Variants in TRPM5 observed in about 807,000 individuals in gnomAD.
The protein encoded by TRPM5 is transient receptor potential cation channel subfamily M member 5.
TRPM5 carries 121 observed loss-of-function variants against 124.9 expected under a neutral mutation model. The ratio of observed to expected loss-of-function variants is 0.97; its 90% CI spans 0.84 to 1.13. The LOEUF (loss-of-function observed/expected upper bound fraction) is 1.13, where lower values mean the gene tolerates loss of function less well. Among genes scored for constraint, TRPM5 ranks in the 50% most tolerant of loss-of-function variants. The probability of loss-of-function intolerance (pLI) is 0.00; values close to 1 mark genes in which losing one functional copy is unlikely to be tolerated. For missense variants in TRPM5, 1,643 were observed against 1,589.1 expected (o/e 1.03, Z -0.58); for synonymous variants, 781 against 700.5 (o/e 1.11, Z -1.81).
intron 23 of TRPM5, 68 bp downstream of exon 28, chr11:2,405,459 G>T: frequency 1.4e-6 from 2 of 1,478,530 alleles, no homozygotes; most frequent in Non-Finnish European, 1.8e-6. Context: ...CACAGCCTAC[G>T]GCCCCCCAGC....
intron 19 of TRPM5, 140 bp downstream of exon 24, chr11:2,407,619 G>T: frequency 1.7e-6 from 2 of 1,150,348 alleles, no homozygotes; most frequent in Non-Finnish European, 2.5e-6. Flanking sequence ...TCCAGGCTAT[G>T]CCACCTTCTA....
chr11:2,412,661 G>C, intron 15 of TRPM5, 93 bp downstream of exon 20: 1 of 1,337,924 alleles, frequency 7.5e-7, no homozygotes, highest in Non-Finnish European at 1.0e-6. Flanking sequence ...TTTTACAGTT[G>C]GGGAGCCCCA....
At chr11:2,405,145 T>G (rs570336434) in intron 23 of TRPM5, 102 bp from the exon 29 acceptor site, 2 of 959,530 alleles carry the variant, frequency 2.1e-6, no homozygotes, top group African/African-American at 1.6e-5. Flanking sequence ...ACGCCGTGGC[T>G]CTCAGAGTGA....
the TRPM5 span, among the ~76,000 whole-genome samples, chr11:2,432,161 C>T: frequency 6.6e-6 from 1 of 152,242 alleles, no homozygotes; most frequent in Non-Finnish European, 1.5e-5. Flanking sequence ...GCACTGCTGC[C>T]AGGGGAGGAG....
intron 16 of TRPM5, 29 bp downstream of exon 21, chr11:2,412,106 A>G: frequency 2.5e-6 from 4 of 1,587,364 alleles, no homozygotes; most frequent in Middle Eastern, 1.7e-4. Flanking sequence ...AGCCGCCCTG[A>G]GGCCACACGG....
In TRPM5 at chr11:2,407,752, G is replaced by A; in HGVS notation, c.2936+7C>T. On this transcript the variant is annotated splice_region_variant and intron_variant, in intron 19 of 23. Transcript: ENST00000155858. ...GGCTCTCTCCTCCAGGGGTTGGGTG[G>A]AGTCACCTGAACATGGCGATGAGCA... 2 of 1,613,170 alleles carry A rather than the reference G, an allele frequency of 1.2e-6. No individual in the cohort carries two copies. Among genetic ancestry groups the A allele is most frequent in the Non-Finnish European group, 1.7e-6 (2 of 1,179,742 alleles).
chr11:2,436,284 G>A, the TRPM5 span, among the ~76,000 whole-genome samples: 165 of 152,380 alleles, frequency 1.1e-3, no homozygotes, highest in Non-Finnish European at 1.9e-3. Context: ...GCTCCAGCCC[G>A]TGATGGGCCA....
chr11:2,405,906 G>T, intron 22 of TRPM5, 113 bp downstream of exon 27: 1 of 1,012,208 alleles, frequency 9.9e-7, no homozygotes, highest in Non-Finnish European at 1.5e-6. Flanking sequence ...TCCTGTCCTG[G>T]CTCTGGCCTG....
chr11:2,432,898 C>T, the TRPM5 span, among the ~76,000 whole-genome samples: 4 of 152,306 alleles, frequency 2.6e-5, no homozygotes, highest in Non-Finnish European at 4.4e-5. Flanking sequence ...GGGGGCAGCC[C>T]GAAGCCATGC....
intron 4 of TRPM5, among the ~76,000 whole-genome samples, chr11:2,419,791 G>C (rs1272027782): frequency 6.6e-6 from 1 of 152,202 alleles, no homozygotes; most frequent in African/African-American, 2.4e-5. Context: ...TTGAACGTGC[G>C]ACTGGCCAGA....
chr11:2,407,012 C>T (rs1053088051), intron 20 of TRPM5, 107 bp downstream of exon 25: 2 of 1,381,660 alleles, frequency 1.4e-6, no homozygotes, highest in Non-Finnish European at 1.9e-6. Flanking sequence ...ACCCACAGGG[C>T]TGAGGAGGGG....
At chr11:2,414,925 G>A (rs1479116367) in exon 10 of TRPM5, 1 of 1,607,038 alleles carries the variant, frequency 6.2e-7, no homozygotes, top group Admixed American at 1.7e-5. Flanking sequence ...AGAAGTAGGT[G>A]GCCATCTCGT....
chr11:2,442,879 C>T, the TRPM5 span, among the ~76,000 whole-genome samples: 77 of 152,322 alleles, frequency 5.1e-4, 2 homozygotes, highest in South Asian at 0.016. The surrounding 1 kb of genome is among the most constrained non-coding windows in gnomAD (Gnocchi z 5.9). Flanking sequence ...ATGAACTGCT[C>T]ATGTCTTCTG....
Position 2,416,050 on chromosome 11 carries a change from G to T in TRPM5, c.1010-26C>A, listed in dbSNP as rs1228596924. 1.9e-6 allele frequency: 3 copies of T among 1,563,246 alleles called. No individual in the cohort carries two copies. In the South Asian group the frequency reaches 3.4e-5, roughly 18 times the overall value. ...CTGTGGGCAGAGCAGGCAGGCACTGGTGAGGGTGGAGCTGAGGGCCTCACA... is the reference window on the plus strand; with the variant it reads ...CTGTGGGCAGAGCAGGCAGGCACTGTTGAGGGTGGAGCTGAGGGCCTCACA... On this transcript the variant is annotated intron_variant, in intron 7 of 23. Transcript: ENST00000155858.
At chr11:2,415,163 T>C in exon 9 of TRPM5, 4 of 1,580,746 alleles carry the variant, frequency 2.5e-6, no homozygotes, top group Non-Finnish European at 3.4e-6. Flanking sequence ...GGTAGAAGCC[T>C]CGGCAGGCGT....
At position 2,405,683 on chromosome 11, in the gene TRPM5, G is replaced by A. The variant is rs1490281070; in HGVS notation, c.3325-90C>T. On this transcript the variant is annotated intron_variant, in intron 22 of 23. Transcript: ENST00000155858. ...CTCCCCATCTCCCCTCTCCTGCCAG[G>A]GCCCCCGCTGCCCTGTGACTCCTCC... 6.5e-6 allele frequency: 9 copies of A among 1,385,404 alleles called. No homozygotes were observed. In the Admixed American group the frequency reaches 1.8e-4, roughly 28 times the overall value. The allele number at this position is 1,385,404 out of a possible 1,614,324, so 85.8% of individuals were successfully genotyped here.
chr11:2,419,517 G>A (rs1460420726), intron 4 of TRPM5, among the ~76,000 whole-genome samples: 1 of 151,484 alleles, frequency 6.6e-6, no homozygotes, highest in Non-Finnish European at 1.5e-5. Flanking sequence ...CCGGGAGGCT[G>A]AGGCAGGAGA....
At chr11:2,404,814 C>T (rs1181699109) in exon 24 of TRPM5, 7 of 722,932 alleles carry the variant, frequency 9.7e-6, no homozygotes, top group South Asian at 7.0e-5. Context: ...CCAGGAGGGC[C>T]ATTGTCTGCT....
chr11:2,411,333 C>T lies in TRPM5; in HGVS notation c.2782+19G>A, dbSNP rs1850446728. ...CTCCAATTTCTCCCTGCCCCTGCCC[C>T]CGCTGGCTGTGTGCAAACCATCAAT... On this transcript the variant is annotated intron_variant, in intron 18 of 23. Coordinates refer to ENST00000155858, the Ensembl canonical transcript of TRPM5. 1.9e-6 allele frequency: 3 copies of T among 1,555,290 alleles called. No individual in the cohort carries two copies. In the East Asian group the frequency reaches 6.9e-5, roughly 36 times the overall value.
Sources: gnomAD v4.1 joint callset for allele counts (sites outside exome capture counted in the v4.1 genomes callset) on GRCh38, gnomAD v4.1.1 for gene constraint, Gnocchi (gnomAD v3.1) non-coding constraint, MANE v1.5 for transcripts, NCBI Gene and HGNC (gene_info 2026-07-23, HGNC 2026-07-21) for gene names.